ZNF536: variants seen among roughly 807,000 people sequenced by gnomAD.
ZNF536 encodes zinc finger protein 536.
A neutral mutation model predicts 84.5 loss-of-function variants in ZNF536; 13 were observed. The ratio of observed to expected loss-of-function variants is 0.15; its 90% CI spans 0.10 to 0.24. The LOEUF is 0.24. Ranked by LOEUF, ZNF536 falls within the 10% of genes least tolerant of loss-of-function variation. ZNF536 has a pLI of 1.00. For synonymous variants in ZNF536, 811 were observed against 742.5 expected (o/e 1.09, Z -1.50); for missense variants, 1,536 against 1,747.5 (o/e 0.88, Z 2.16).
chr19:30,320,669 C>T (rs995320808), intron 2 of ZNF536, among the ~76,000 whole-genome samples: 3 of 152,028 alleles, frequency 2.0e-5, no homozygotes, highest in East Asian at 1.9e-4. Flanking sequence ...GTGGAGCGTA[C>T]GTGGTATTTG....
chr19:30,413,435 T>C (rs958061383), intron 1 of ZNF536, among the ~76,000 whole-genome samples: 1 of 152,254 alleles, frequency 6.6e-6, no homozygotes, highest in Non-Finnish European at 1.5e-5. Flanking sequence ...GCTTTGTTTT[T>C]ACTTTTAATT....
At chr19:30,282,406 G>A (rs1040743619) in intron 1 of ZNF536, among the ~76,000 whole-genome samples, 5 of 130,094 alleles carry the variant, frequency 3.8e-5, no homozygotes, top group Non-Finnish European at 9.5e-5. Flanking sequence ...CACTGCCCCG[G>A]TGCCAACTGC....
chr19:30,564,499 A>G (rs1414817126), intron 1 of ZNF536, among the ~76,000 whole-genome samples: 1 of 152,056 alleles, frequency 6.6e-6, no homozygotes, highest in East Asian at 1.9e-4. Flanking sequence ...GTAGGTGCCC[A>G]GGCTGATGGG....
chr19:30,574,637 A>G (rs2046665560), intron 1 of ZNF536, among the ~76,000 whole-genome samples: 1 of 152,162 alleles, frequency 6.6e-6, no homozygotes, highest in South Asian at 2.1e-4. Context: ...CTTACAGGGG[A>G]GCTTGCATGC....
At chr19:30,428,184 T>A (rs1439297779) in intron 1 of ZNF536, among the ~76,000 whole-genome samples, 1 of 152,206 alleles carries the variant, frequency 6.6e-6, no homozygotes, top group East Asian at 1.9e-4. Flanking sequence ...CAGGTGACTG[T>A]GAGCAGGACT....
At chr19:30,549,889 A>G (rs1190625696) in intron 4 of ZNF536, among the ~76,000 whole-genome samples, 2 of 152,216 alleles carry the variant, frequency 1.3e-5, no homozygotes, top group Admixed American at 6.5e-5. Context: ...AGTATTTTCA[A>G]TTTATGCAAA....
intron 1 of ZNF536, among the ~76,000 whole-genome samples, chr19:30,624,720 G>A (rs2048612049): frequency 6.6e-6 from 1 of 152,132 alleles, no homozygotes; most frequent in Non-Finnish European, 1.5e-5. Flanking sequence ...AATACCAGGT[G>A]ATATGGTTTG....
chr19:30,631,621 G>A (rs1457862347), intron 1 of ZNF536, among the ~76,000 whole-genome samples: 1 of 152,136 alleles, frequency 6.6e-6, no homozygotes, highest in Non-Finnish European at 1.5e-5. Flanking sequence ...TACTCCCAGT[G>A]CTACTGCTGG....
intron 1 of ZNF536, among the ~76,000 whole-genome samples, chr19:30,626,003 G>T (rs989066200): frequency 6.6e-6 from 1 of 152,150 alleles, no homozygotes; most frequent in Middle Eastern, 3.2e-3. Context: ...AGGTTATATT[G>T]TAAGTTCAAT....
At position 30,620,069 on chromosome 19, in the gene ZNF536, G is replaced by C. The variant is rs575853766; in HGVS notation, c.169+70555G>C. ...GTAGTGATAATTTAGGTACACAAAA[G>C]GGTTCCTTTACCATAATAACAAGAA... On this transcript the variant is annotated intron_variant, in intron 1 of 1. Coordinates refer to the ZNF536 transcript ENST00000592773. 3.5e-3 allele frequency among the ~76,000 whole-genome samples: 515 copies of C among 148,742 alleles called. 4 individuals carry two copies. The highest frequency in any genetic ancestry group is 0.012 in the African/African-American group (495 of 40,178).
chr19:30,269,056 C>T (rs1390861029), intron 1 of ZNF536, among the ~76,000 whole-genome samples: 1 of 152,208 alleles, frequency 6.6e-6, no homozygotes, highest in Admixed American at 6.5e-5. Context: ...ATGCTAAACA[C>T]TGAGGAAACA....
At chr19:30,292,346 T>A (rs569548334) in intron 2 of ZNF536, among the ~76,000 whole-genome samples, 4 of 149,836 alleles carry the variant, frequency 2.7e-5, no homozygotes, top group Admixed American at 1.3e-4. Context: ...TTTTTCTTCT[T>A]TTTTTTTTTG....
intron 1 of ZNF536, among the ~76,000 whole-genome samples, chr19:30,686,921 A>T (rs1051606200): frequency 6.6e-6 from 1 of 152,164 alleles, no homozygotes; most frequent in South Asian, 2.1e-4. Flanking sequence ...TATTAGTTAC[A>T]TTACACTGTG....
chr19:30,515,308 T>C (rs2055589899), intron 2 of ZNF536, among the ~76,000 whole-genome samples: 1 of 152,104 alleles, frequency 6.6e-6, no homozygotes, highest in South Asian at 2.1e-4. Flanking sequence ...CAAAGGGCTG[T>C]TGTGAGGATG....
chr19:30,405,907 A>G (rs374148967), intron 1 of ZNF536, among the ~76,000 whole-genome samples: 16 of 152,122 alleles, frequency 1.1e-4, no homozygotes, highest in African/African-American at 3.9e-4. Flanking sequence ...CCTCCCGAGT[A>G]GCTGGGATTA....
intron 2 of ZNF536, among the ~76,000 whole-genome samples, chr19:30,518,855 G>C (rs944815775): frequency 6.6e-6 from 1 of 152,116 alleles, no homozygotes; most frequent in Non-Finnish European, 1.5e-5. Context: ...AGTGAACCAG[G>C]GCAGAGGGAT....
intron 2 of ZNF536, among the ~76,000 whole-genome samples, chr19:30,295,452 A>G (rs752338308): frequency 2.0e-4 from 31 of 152,144 alleles, no homozygotes; most frequent in Admixed American, 5.2e-4. Flanking sequence ...AAAAAACAAC[A>G]TTGGGCCCCA....
At chr19:30,369,560 C>CT (rs2048544992), upstream of ZNF536, among the ~76,000 whole-genome samples, 1 of 152,090 alleles carries the variant, frequency 6.6e-6, no homozygotes, top group Non-Finnish European at 1.5e-5. Context: ...CTGGCTGTTG[C>CT]TTTGACCTGG....
At chr19:30,363,543 G>T (rs560308743) in intron 3 of ZNF536, among the ~76,000 whole-genome samples, 1 of 152,246 alleles carries the variant, frequency 6.6e-6, no homozygotes, top group East Asian at 1.9e-4. Context: ...ATGGGCTACA[G>T]CTACAGACGG....
Sources: gnomAD v4.1 joint callset for allele counts (sites outside exome capture counted in the v4.1 genomes callset) on GRCh38, gnomAD v4.1.1 for gene constraint, MANE v1.5 for transcripts, NCBI Gene and HGNC (gene_info 2026-07-23, HGNC 2026-07-21) for gene names.